The following SASH1 variants were observed in gnomAD, a reference collection of about 807,000 sequenced individuals.
SASH1 encodes SAM and SH3 domain containing 1.
Under a neutral mutation model 125.2 loss-of-function variants are expected in SASH1, and 44 were observed. The observed-to-expected ratio is 0.35, with a 90% confidence interval of 0.28 to 0.45. The LOEUF is 0.45. Among genes scored for constraint, SASH1 ranks in the 20% least tolerant of loss-of-function variants. The pLI is 1.00. For synonymous variants in SASH1, 639 were observed against 649.1 expected, an observed-to-expected ratio of 0.98 and a Z score of 0.24; for missense variants, 1,426 against 1,614.5, an observed-to-expected ratio of 0.88 and a Z score of 2.00.
the SASH1 span, among the ~76,000 whole-genome samples, chr6:148,239,836 C>T: frequency 1.8e-4 from 27 of 152,204 alleles, 1 homozygote; most frequent in South Asian, 1.9e-3. Context: ...CTAGCTAGGA[C>T]GCCTAGGGAA....
rs565227748 is a variant in SASH1, at chr6:148,330,619, C to G, written n.74+58242C>G. ...ATTTTTTCTGAGATGGAGTTTCCCT[C>G]TTGTCGCCCAGGCTGGAGTGCAATG... On this transcript the variant is annotated intron_variant and non_coding_transcript_variant, in intron 1 of 3. Coordinates refer to the SASH1 transcript ENST00000367469. Among the ~76,000 whole-genome samples, 14 of 152,228 alleles carry G rather than the reference C, an allele frequency of 9.2e-5. No individual in the cohort carries two copies. The East Asian group carries it at 2.5e-3, about 27-fold the overall frequency.
chr6:148,491,698 T>A (rs1779118230), intron 8 of SASH1, among the ~76,000 whole-genome samples: 1 of 152,174 alleles, frequency 6.6e-6, no homozygotes, highest in African/African-American at 2.4e-5. Context: ...AATCCTCCCA[T>A]CATCTCCCAA....
chr6:148,326,359 C>CATATAT (rs1212032481), intron 1 of SASH1, among the ~76,000 whole-genome samples: 25 of 14,544 alleles, frequency 1.7e-3, no homozygotes, highest in East Asian at 9.2e-3. Context: ...TATATATATG[C>CATATAT]ATATATATAT....
chr6:148,492,688 G>A (rs1380971377), intron 8 of SASH1, among the ~76,000 whole-genome samples: 6 of 152,050 alleles, frequency 3.9e-5, no homozygotes, highest in African/African-American at 1.4e-4. Flanking sequence ...AGATGTGGTG[G>A]TCTGTGCCTA....
the SASH1 span, among the ~76,000 whole-genome samples, chr6:148,226,708 G>A: frequency 6.6e-6 from 1 of 152,184 alleles, no homozygotes; most frequent in South Asian, 2.1e-4. Context: ...GTTGCAAAAT[G>A]GCTGTTGTAA....
intron 10 of SASH1, among the ~76,000 whole-genome samples, chr6:148,520,959 T>G (rs996582796): frequency 6.6e-6 from 1 of 152,222 alleles, no homozygotes; most frequent in African/African-American, 2.4e-5. Context: ...GTCTATTCCA[T>G]GTTCTTATCT....
intron 13 of SASH1, 116 bp downstream of exon 13, chr6:148,531,777 CT>C: frequency 3.7e-6 from 3 of 820,988 alleles, no homozygotes; most frequent in Non-Finnish European, 5.0e-6. Flanking sequence ...CCTTCAGGTG[CT>C]ATTAGAGAAT....
the SASH1 span, among the ~76,000 whole-genome samples, chr6:148,217,392 A>C: frequency 6.6e-6 from 1 of 152,100 alleles, no homozygotes; most frequent in African/African-American, 2.4e-5. Context: ...GCTGAGTGAC[A>C]CTCCATAACC....
chr6:148,343,786 A>C (rs911829584), intron 1 of SASH1, among the ~76,000 whole-genome samples: 1 of 152,216 alleles, frequency 6.6e-6, no homozygotes, highest in African/African-American at 2.4e-5. Context: ...TGAAATGTCC[A>C]GTGACTAAAA....
upstream of SASH1, among the ~76,000 whole-genome samples, chr6:148,338,373 G>A (rs1781224860): frequency 6.7e-6 from 1 of 149,630 alleles, no homozygotes; most frequent in African/African-American, 2.5e-5. Flanking sequence ...GTTACAGTGA[G>A]CCAAGATCAC....
At chr6:148,350,820 C>T (rs1399134428) in intron 1 of SASH1, among the ~76,000 whole-genome samples, 2 of 152,218 alleles carry the variant, frequency 1.3e-5, no homozygotes, top group African/African-American at 4.8e-5. Context: ...AACCTTCAGA[C>T]TAATTTTGAG....
At chr6:148,258,850 T>A in the SASH1 span, among the ~76,000 whole-genome samples, 1 of 152,214 alleles carries the variant, frequency 6.6e-6, no homozygotes, top group Non-Finnish European at 1.5e-5. Flanking sequence ...CAATACAAGT[T>A]GAATGTTTAC....
the SASH1 span, among the ~76,000 whole-genome samples, chr6:148,257,510 C>A: frequency 6.6e-6 from 1 of 152,072 alleles, no homozygotes; most frequent in South Asian, 2.1e-4. Flanking sequence ...GAATATTAGA[C>A]TTTAGTGAGC....
chr6:148,528,427 A>T (rs1298723759), intron 12 of SASH1, among the ~76,000 whole-genome samples: 1 of 152,212 alleles, frequency 6.6e-6, no homozygotes, highest in Non-Finnish European at 1.5e-5. Flanking sequence ...AACAGCAGGA[A>T]AAGCAGACAT....
At chr6:148,268,735 A>C (rs1778996068), upstream of SASH1, among the ~76,000 whole-genome samples, 1 of 152,218 alleles carries the variant, frequency 6.6e-6, no homozygotes, top group Admixed American at 6.5e-5. Context: ...CCTTCATCTC[A>C]GCTTTGTTTG....
chr6:148,281,487 C>T (rs1779340133), intron 1 of SASH1, among the ~76,000 whole-genome samples: 1 of 152,128 alleles, frequency 6.6e-6, no homozygotes, highest in African/African-American at 2.4e-5. Flanking sequence ...ACAGGGAGGG[C>T]TCCAGGAGGC....
intron 1 of SASH1, among the ~76,000 whole-genome samples, chr6:148,287,664 A>G (rs1779516172): frequency 6.7e-6 from 1 of 149,602 alleles, no homozygotes; most frequent in Non-Finnish European, 1.5e-5. Context: ...ATGTGTGTGT[A>G]CATGCCTGTA....
Position 148,474,136 on chromosome 6 carries a change from G to C in SASH1, c.541G>C (p.Glu181Gln). 1 of 1,611,850 alleles carries C rather than the reference G, an allele frequency of 6.2e-7. No homozygotes were observed. The highest frequency in any genetic ancestry group is 1.1e-5 in the South Asian group (1 of 90,286). ...KGEDVGYVASEITMSDEERIQ... is the reference protein window; with the variant it reads ...KGEDVGYVASQITMSDEERIQ... ...AGAAGACGTTGGTTATGTTGCCAGTGAAATAACGATGAGCGATGAGGAGCG... is the reference window on the plus strand; with the variant it reads ...AGAAGACGTTGGTTATGTTGCCAGTCAAATAACGATGAGCGATGAGGAGCG... Residue 181 changes from glutamate to glutamine, a missense_variant, in exon 7 of 20, where the codon GAA becomes CAA. This residue lies in a region of SASH1 where 567 missense variants were observed against 575.6 expected (regional missense o/e 0.99). Transcript: ENST00000367467.
intron 1 of SASH1, among the ~76,000 whole-genome samples, chr6:148,336,875 G>A (rs898590855): frequency 2.0e-5 from 3 of 152,144 alleles, no homozygotes; most frequent in Admixed American, 1.3e-4. Flanking sequence ...TTTTGTCTTC[G>A]CAGGGATTCT....
Sources: allele counts gnomAD v4.1 joint callset (sites outside exome capture counted in the v4.1 genomes callset), GRCh38; gene constraint gnomAD v4.1.1; regional missense constraint gnomAD v4.1.1; transcripts MANE v1.5; gene names NCBI Gene and HGNC (gene_info 2026-07-23, HGNC 2026-07-21).